CWC27: variants seen among roughly 807,000 people sequenced by gnomAD.
The protein encoded by CWC27 is spliceosome-associated protein CWC27 homolog.
CWC27 carries 47 observed loss-of-function variants against 63.6 expected under a neutral mutation model. That is an observed-to-expected ratio of 0.74 (90% CI 0.58 to 0.94). The LOEUF is 0.94. Among genes scored for constraint, CWC27 ranks in the 40% least tolerant of loss-of-function variants. CWC27 has a pLI of 0.00. For synonymous variants in CWC27, 175 were observed against 179.8 expected (o/e 0.97, Z 0.22); for missense variants, 495 against 554.3 (o/e 0.89, Z 1.07).
intron 11 of CWC27, among the ~76,000 whole-genome samples, chr5:64,923,555 G>A (rs903721538): frequency 4.0e-5 from 6 of 148,212 alleles, no homozygotes; most frequent in African/African-American, 1.5e-4. Context: ...TGTGGACTAT[G>A]CTAGTTTACT....
chr5:64,823,602 T>C (rs533789361), intron 10 of CWC27, among the ~76,000 whole-genome samples: 1 of 152,310 alleles, frequency 6.6e-6, no homozygotes, highest in South Asian at 2.1e-4. Flanking sequence ...ACTGCCTAAC[T>C]CATGCTCTGT....
intron 1 of CWC27, among the ~76,000 whole-genome samples, chr5:64,773,401 T>C (rs930959931): frequency 6.6e-6 from 1 of 151,392 alleles, no homozygotes; most frequent in Non-Finnish European, 1.5e-5. Flanking sequence ...AAATGTTTAA[T>C]AGGCAAATCT....
chr5:64,838,754 C>T (rs975805452), intron 10 of CWC27, among the ~76,000 whole-genome samples: 3 of 152,114 alleles, frequency 2.0e-5, no homozygotes, highest in African/African-American at 7.2e-5. Context: ...TTTAGAGTAA[C>T]CCAGTAAGCT....
chr5:64,916,887 AG>A, intron 11 of CWC27, among the ~76,000 whole-genome samples: 1 of 83,080 alleles, frequency 1.2e-5, no homozygotes, highest in African/African-American at 4.1e-5. Context: ...TAGTAGTATT[AG>A]TAGTAGTAGT....
chr5:64,815,297 T>G (rs941378562), intron 10 of CWC27, among the ~76,000 whole-genome samples: 2 of 152,174 alleles, frequency 1.3e-5, no homozygotes. Context: ...GTGGATCTGC[T>G]CCACATCATC....
intron 3 of CWC27, 60 bp from the exon 4 acceptor site, chr5:64,783,776 A>G (rs949744018): frequency 1.4e-6 from 2 of 1,380,900 alleles, no homozygotes; most frequent in Non-Finnish European, 1.9e-6. Flanking sequence ...GTCAAGTTGA[A>G]TAACTGCATA....
At chr5:64,821,423 T>C (rs565282286) in intron 10 of CWC27, among the ~76,000 whole-genome samples, 49 of 152,212 alleles carry the variant, frequency 3.2e-4, no homozygotes, top group Non-Finnish European at 5.7e-4. Flanking sequence ...CGTGAAAATA[T>C]GTTAATATCC....
chr5:64,804,195 G>T (rs745337361), intron 9 of CWC27, 34 bp from the exon 10 acceptor site: 2 of 1,552,796 alleles, frequency 1.3e-6, no homozygotes, highest in Non-Finnish European at 1.7e-6. Context: ...GGGAAATTGA[G>T]CACCTGGCAA....
rs758342846 is a variant in CWC27, at chr5:64,783,903, A to G, written c.320A>G (p.His107Arg). 5.0e-6 allele frequency: 8 copies of G among 1,608,062 alleles called. No individual in the cohort carries two copies. The South Asian group carries it at 5.6e-5, about 11-fold the overall frequency. Residue 107 changes from histidine to arginine, a missense_variant, in exon 4 of 14, where the codon CAT becomes CGT. Coordinates refer to ENST00000381070, the MANE Select transcript of CWC27 (RefSeq NM_005869.4). The part of the protein sequence containing the change: ...GLVAMANAGS[H>R]DNGSQFFFTL... ...GTTGCCATGGCAAATGCTGGTTCTC[A>G]TGATAATGGCAGCCAGTTTTTCTTC... is the stretch of plus-strand genomic sequence containing the variant.
intron 3 of CWC27, among the ~76,000 whole-genome samples, chr5:64,782,274 C>G (rs1261899238): frequency 1.3e-5 from 2 of 151,790 alleles, no homozygotes; most frequent in African/African-American, 4.8e-5. Flanking sequence ...ATGGTGAAAC[C>G]TCATCTCTAC....
At chr5:64,845,704 T>G (rs1461313985) in intron 10 of CWC27, among the ~76,000 whole-genome samples, 1 of 150,364 alleles carries the variant, frequency 6.7e-6, no homozygotes, top group Non-Finnish European at 1.5e-5. Context: ...GACAAAAGAG[T>G]GAAAAAGAAT....
intron 11 of CWC27, among the ~76,000 whole-genome samples, chr5:64,924,732 G>A (rs763726794): frequency 5.9e-5 from 9 of 152,128 alleles, no homozygotes; most frequent in Non-Finnish European, 1.3e-4. Flanking sequence ...TGGCTCATGT[G>A]CCACCCTTGG....
intron 13 of CWC27, among the ~76,000 whole-genome samples, chr5:65,008,939 T>A (rs1254183142): frequency 6.6e-6 from 1 of 152,010 alleles, no homozygotes; most frequent in African/African-American, 2.4e-5. Flanking sequence ...TTGAAAGGGG[T>A]ATGTAGTTGT....
intron 10 of CWC27, among the ~76,000 whole-genome samples, chr5:64,824,116 A>G (rs1251965454): frequency 2.0e-5 from 3 of 152,180 alleles, no homozygotes; most frequent in Non-Finnish European, 4.4e-5. Flanking sequence ...AGAAACATAA[A>G]TGTCCTTGCT....
chr5:64,927,678 A>G (rs1389191333), intron 11 of CWC27, among the ~76,000 whole-genome samples: 1 of 151,826 alleles, frequency 6.6e-6, no homozygotes, highest in African/African-American at 2.4e-5. Context: ...ACCCCTGCTC[A>G]TTTCTTCCCT....
chr5:64,827,758 A>G (rs1745401849), intron 10 of CWC27, among the ~76,000 whole-genome samples: 1 of 152,178 alleles, frequency 6.6e-6, no homozygotes, highest in East Asian at 1.9e-4. Context: ...TAGTCGACCT[A>G]TATCCATGGT....
At chr5:65,004,403 G>GT (rs1408918837) in intron 13 of CWC27, among the ~76,000 whole-genome samples, 10 of 127,126 alleles carry the variant, frequency 7.9e-5, no homozygotes, top group African/African-American at 2.6e-4. Flanking sequence ...TTTTTTGGTG[G>GT]GGGGGTGGTC....
intron 11 of CWC27, among the ~76,000 whole-genome samples, chr5:64,898,039 G>A (rs1008215394): frequency 2.0e-5 from 3 of 152,088 alleles, no homozygotes; most frequent in Non-Finnish European, 2.9e-5. Context: ...TAACAAGTTT[G>A]ATATAATGTA....
At chr5:64,947,997 A>C (rs1369590620) in intron 11 of CWC27, among the ~76,000 whole-genome samples, 1 of 152,066 alleles carries the variant, frequency 6.6e-6, no homozygotes, top group Non-Finnish European at 1.5e-5. Context: ...AGTTCTGCTA[A>C]GTGCTCAGGT....
Sources: allele counts gnomAD v4.1 joint callset (sites outside exome capture counted in the v4.1 genomes callset), GRCh38; gene constraint gnomAD v4.1.1; transcripts MANE v1.5; gene names NCBI Gene and HGNC (gene_info 2026-07-23, HGNC 2026-07-21).